The following CTSO variants were observed in gnomAD, a reference collection of about 807,000 sequenced individuals.
CTSO encodes the protein cathepsin O.
CTSO carries 40 observed loss-of-function variants against 42.4 expected under a neutral mutation model. The ratio of observed to expected loss-of-function variants is 0.94; its 90% CI spans 0.73 to 1.23. The LOEUF (loss-of-function observed/expected upper bound fraction) is 1.23, where lower values mean the gene tolerates loss of function less well. Ranked by LOEUF, CTSO falls within the 50% of genes most tolerant of loss-of-function variation. CTSO has a pLI of 0.00. For missense variants in CTSO, 441 were observed against 396.0 expected, an observed-to-expected ratio of 1.11 and a Z score of -0.96; for synonymous variants, 156 against 146.2, an observed-to-expected ratio of 1.07 and a Z score of -0.48.
chr4:155,948,071 T>G (rs570228959), intron 1 of CTSO, among the ~76,000 whole-genome samples: 88 of 151,594 alleles, frequency 5.8e-4, no homozygotes, highest in African/African-American at 1.9e-3. Flanking sequence ...TCACCTTTTT[T>G]TTGTTGTTGT....
chr4:155,928,373 A>C lies in CTSO; in HGVS notation c.894T>G (p.Asp298Glu). ...TTCCCATTTTGACATGGGCATAACC[A>C]TCTACTCCCCAAGAACTTCCCCAGG... ...RNSWGSSWGVDGYAHVKMGSN... is the reference protein window; with the variant it reads ...RNSWGSSWGVEGYAHVKMGSN... Residue 298 changes from aspartate to glutamate, a missense_variant, in exon 7 of 8, where the codon GAT (aspartate) becomes GAG (glutamate). Transcript: ENST00000433477. 6.2e-7 allele frequency: 1 copy of C among 1,613,452 alleles called. No individual in the cohort carries two copies. Among genetic ancestry groups the C allele is most frequent in the South Asian group, 1.1e-5 (1 of 91,036 alleles).
chr4:155,927,011 AG>A (rs1243398490), intron 7 of CTSO, among the ~76,000 whole-genome samples: 4 of 152,172 alleles, frequency 2.6e-5, no homozygotes, highest in Non-Finnish European at 5.9e-5. Context: ...CAAGTTCCAA[AG>A]ATGTACGAGT....
chr4:155,947,950 T>C (rs78578957), intron 1 of CTSO, among the ~76,000 whole-genome samples: 32 of 152,344 alleles, frequency 2.1e-4, no homozygotes, highest in African/African-American at 6.7e-4. Context: ...AACTTCTCAT[T>C]GATACTTTTG....
chr4:155,929,617 C>T lies in CTSO; in HGVS notation c.763G>A (p.Gly255Arg), dbSNP rs150110652. The T allele has an allele frequency of 2.5e-6, 4 of 1,613,702 alleles. No individual in the cohort carries two copies. Among genetic ancestry groups the T allele is most frequent in the South Asian group, 2.2e-5 (2 of 91,006 alleles). The change falls in exon 6 of 8, where the codon GGA becomes AGA. Residue 255 changes from glycine (G) to arginine (R), a missense_variant. Transcript: ENST00000433477. ...GAGCAGTGATGCTGTATAATGCCTC[C>T]CAGATAATCTTGCCAGCTCACTGCA... Reference protein sequence around the residue: ...VDAVSWQDYLGGIIQHHCSSG... With the variant: ...VDAVSWQDYLRGIIQHHCSSG...
At chr4:155,950,146 T>C (rs1743621341) in intron 1 of CTSO, among the ~76,000 whole-genome samples, 3 of 152,242 alleles carry the variant, frequency 2.0e-5, no homozygotes, top group Admixed American at 6.5e-5. Context: ...TCAGGATTTG[T>C]GTGAGCATGT....
chr4:155,935,534 T>C (rs1743315149), intron 5 of CTSO, among the ~76,000 whole-genome samples: 1 of 152,068 alleles, frequency 6.6e-6, no homozygotes, highest in African/African-American at 2.4e-5. Flanking sequence ...CACTTGAACA[T>C]AACCTTTTCA....
Position 155,936,263 on chromosome 4 carries a change from T to A in CTSO, c.674+1099A>T, listed in dbSNP as rs183093451. On this transcript the variant is annotated intron_variant, in intron 5 of 7. Transcript: ENST00000433477. ...GCTGTCTGGTGTATGGTTCCTGGTG[T>A]CACCCTGAGGACCCTTGTTGCAGAC... Among the ~76,000 whole-genome samples the A allele has an allele frequency of 2.6e-5, 4 of 151,314 alleles. No individual in the cohort carries two copies. In the East Asian group the frequency reaches 7.9e-4, roughly 30 times the overall value.
At chr4:155,950,075 C>T (rs1743620161) in intron 1 of CTSO, among the ~76,000 whole-genome samples, 1 of 152,116 alleles carries the variant, frequency 6.6e-6, no homozygotes, top group Non-Finnish European at 1.5e-5. Flanking sequence ...ATACAGTGTA[C>T]TGAAGTGTGT....
chr4:155,945,854 A>G (rs1264159833), intron 1 of CTSO, among the ~76,000 whole-genome samples: 2 of 152,164 alleles, frequency 1.3e-5, no homozygotes, highest in East Asian at 1.9e-4. Flanking sequence ...AAATTTCAAA[A>G]TCAATCATCA....
chr4:155,939,595 A>G, intron 3 of CTSO, 57 bp from the exon 4 acceptor site: 1 of 1,463,124 alleles, frequency 6.8e-7, no homozygotes, highest in Non-Finnish European at 9.3e-7. Flanking sequence ...ACTTACCAAC[A>G]TCTCTAAATG....
At chr4:155,944,548 A>C (rs942318037) in intron 1 of CTSO, among the ~76,000 whole-genome samples, 2 of 152,180 alleles carry the variant, frequency 1.3e-5, no homozygotes, top group Admixed American at 1.3e-4. Flanking sequence ...GTAGTCAGGA[A>C]GGCACTGAAA....
At chr4:155,943,516 T>C (rs941657474) in intron 1 of CTSO, among the ~76,000 whole-genome samples, 11 of 152,112 alleles carry the variant, frequency 7.2e-5, no homozygotes, top group African/African-American at 2.7e-4. Flanking sequence ...CATCACCAGG[T>C]TTGTTGCAAG....
chr4:155,926,866 T>C (rs554212615), intron 7 of CTSO, among the ~76,000 whole-genome samples: 2 of 152,228 alleles, frequency 1.3e-5, no homozygotes, highest in East Asian at 3.8e-4. Context: ...ATTTGAATTA[T>C]GTTATTTTAA....
intron 1 of CTSO, among the ~76,000 whole-genome samples, chr4:155,949,024 T>C (rs1018016707): frequency 6.6e-6 from 1 of 152,258 alleles, no homozygotes; most frequent in Non-Finnish European, 1.5e-5. Context: ...GAATCTTTTA[T>C]GAGCAAACTG....
rs1743098702 is a variant in CTSO, at chr4:155,924,635, C to A, written c.*1401G>T. The A allele has an allele frequency of 1.3e-5, 2 of 151,832 alleles. No homozygotes were observed. The highest frequency in any genetic ancestry group is 1.3e-4 in the Admixed American group (2 of 15,268). 9.4% of individuals were successfully genotyped at this position (151,832 alleles called of 1,614,324 possible). ...GAAGAAATATGTACATACATAGTAT[C>A]AGAAATAATTTTCTTGTATTGATTC... is the stretch of plus-strand genomic sequence containing the variant. On this transcript the variant is annotated 3_prime_UTR_variant, in exon 8 of 8. Transcript: ENST00000433477.
rs183840328 is a variant in CTSO at position 155,933,193 on chromosome 4, G to T, written c.675-3488C>A. Among the ~76,000 whole-genome samples, 168 of 152,166 alleles carry T rather than the reference G, an allele frequency of 1.1e-3. 1 individual carries two copies. Among genetic ancestry groups the T allele is most frequent in the African/African-American group, 3.6e-3 (151 of 41,520 alleles). ...CCCAGGGGGAGGTAATTGAATCATGGGGGCCAGTCTTTCCAGTGCTATTCT... is the reference window on the plus strand; with the variant it reads ...CCCAGGGGGAGGTAATTGAATCATGTGGGCCAGTCTTTCCAGTGCTATTCT... On this transcript the variant is annotated intron_variant, in intron 5 of 7. Coordinates refer to ENST00000433477, the MANE Select transcript of CTSO (RefSeq NM_001334.3).
intron 5 of CTSO, among the ~76,000 whole-genome samples, chr4:155,935,822 A>C (rs928434059): frequency 5.9e-5 from 9 of 152,232 alleles, no homozygotes; most frequent in Non-Finnish European, 7.3e-5. Flanking sequence ...CTTGCAGTCA[A>C]ATGCTATCAG....
chr4:155,924,958 G>C lies in CTSO; in HGVS notation c.*1078C>G, dbSNP rs1439078447. 6.6e-6 allele frequency: 1 copy of C among 152,278 alleles called. No individual in the cohort carries two copies. The highest frequency in any genetic ancestry group is 1.5e-5 in the Non-Finnish European group (1 of 68,132). The allele number at this position is 152,278 out of a possible 1,614,324, so 9.4% of individuals were successfully genotyped here. A position where few individuals can be genotyped will look rare whatever the true frequency, so the allele number is the denominator to read the frequency against. ...TCGGATGGGAGACCAGGAAAGCTGA[G>C]GGGAAAACTGGGAAACAGATTCTGG... On this transcript the variant is annotated 3_prime_UTR_variant, in exon 8 of 8. Transcript: ENST00000433477.
chr4:155,930,365 T>C (rs534172415), intron 5 of CTSO, among the ~76,000 whole-genome samples: 81 of 152,236 alleles, frequency 5.3e-4, no homozygotes, highest in African/African-American at 1.9e-3. Flanking sequence ...GTTAAGCAAA[T>C]ATTTTAAAAA....
Sources: gnomAD v4.1 joint callset for allele counts (sites outside exome capture counted in the v4.1 genomes callset) on GRCh38, gnomAD v4.1.1 for gene constraint, MANE v1.5 for transcripts, NCBI Gene and HGNC (gene_info 2026-07-23, HGNC 2026-07-21) for gene names.